The following RBFOX1 variants were observed in gnomAD, a reference collection of about 807,000 sequenced individuals.
The protein encoded by RBFOX1 is RNA binding protein fox-1 homolog 1.
Under a neutral mutation model 57.7 loss-of-function variants are expected in RBFOX1, and 8 were observed. The observed-to-expected ratio is 0.14, with a 90% confidence interval of 0.08 to 0.25. RBFOX1 has a LOEUF of 0.25. Among genes scored for constraint, RBFOX1 ranks in the 10% least tolerant of loss-of-function variants. The pLI, the probability that RBFOX1 is intolerant of heterozygous loss-of-function variation, is 1.00. For synonymous variants in RBFOX1, 326 were observed against 222.4 expected (o/e 1.47, Z -4.15); for missense variants, 611 against 548.5 (o/e 1.11, Z -1.14).
At chr16:7,192,876 A>G (rs1044866927) in intron 4 of RBFOX1, among the ~76,000 whole-genome samples, 2 of 152,242 alleles carry the variant, frequency 1.3e-5, no homozygotes, top group African/African-American at 2.4e-5. Context: ...TCATGTGCTT[A>G]CAACATTGTT....
At chr16:5,471,636 C>T (rs1054965792) in intron 2 of RBFOX1, among the ~76,000 whole-genome samples, 3 of 152,158 alleles carry the variant, frequency 2.0e-5, no homozygotes, top group African/African-American at 7.2e-5. Context: ...GAAGGAACTT[C>T]CCCAAGGCAG....
In RBFOX1 at chr16:7,076,050, TC is replaced by T. The variant is rs1360599621; in HGVS notation, c.27+23953del. Among the ~76,000 whole-genome samples, 638 of 150,584 alleles carry T rather than the reference TC, an allele frequency of 4.2e-3. 7 individuals are homozygous for T. The highest frequency in any genetic ancestry group is 0.015 in the African/African-American group (606 of 40,570). On this transcript the variant is annotated intron_variant, in intron 4 of 15. Coordinates refer to ENST00000550418, the MANE Select transcript of RBFOX1 (RefSeq NM_018723.4). Reference sequence around the variant, plus strand: ...CTCACACTTGGGCTTTTTTTTTTTTTCTTTTTTTTTCGAGACGAGTCTTGTT... The same window carrying T: ...CTCACACTTGGGCTTTTTTTTTTTTTTTTTTTTTTCGAGACGAGTCTTGTT...
intron 5 of RBFOX1, among the ~76,000 whole-genome samples, chr16:7,518,802 C>T (rs1409506851): frequency 2.0e-5 from 3 of 152,040 alleles, no homozygotes; most frequent in Non-Finnish European, 2.9e-5. Flanking sequence ...ATGGGAGAGT[C>T]GTTTGAAGAC....
At chr16:5,572,887 G>T (rs1309371303) in intron 2 of RBFOX1, among the ~76,000 whole-genome samples, 2 of 152,188 alleles carry the variant, frequency 1.3e-5, no homozygotes, top group African/African-American at 4.8e-5. Context: ...AGGCCAGACA[G>T]GTAATGGTGG....
intron 14 of RBFOX1, among the ~76,000 whole-genome samples, chr16:7,704,723 G>T (rs1259373061): frequency 1.3e-5 from 2 of 152,160 alleles, no homozygotes; most frequent in Non-Finnish European, 2.9e-5. Flanking sequence ...CAACATGAAG[G>T]GGTAGGGATG....
intron 2 of RBFOX1, among the ~76,000 whole-genome samples, chr16:6,611,921 G>C (rs1215857590): frequency 6.6e-6 from 1 of 152,068 alleles, no homozygotes; most frequent in African/African-American, 2.4e-5. Context: ...TGGTTGCAAG[G>C]GTTTTGGTAG....
chr16:5,488,386 A>G (rs980682942), intron 2 of RBFOX1, among the ~76,000 whole-genome samples: 1 of 148,274 alleles, frequency 6.7e-6, no homozygotes, highest in Non-Finnish European at 1.5e-5. Context: ...ATGGTGGAAG[A>G]TGCTGGTGTG....
intron 4 of RBFOX1, among the ~76,000 whole-genome samples, chr16:7,177,378 T>C (rs1411794593): frequency 6.6e-6 from 1 of 152,030 alleles, no homozygotes; most frequent in African/African-American, 2.4e-5. Context: ...GAATGATAAA[T>C]GCTGGAGGTG....
intron 2 of RBFOX1, among the ~76,000 whole-genome samples, chr16:6,394,073 A>G (rs1037357511): frequency 6.6e-6 from 1 of 152,198 alleles, no homozygotes; most frequent in Non-Finnish European, 1.5e-5. Context: ...CAATGCAGAC[A>G]TCCATGACTG....
At chr16:5,791,804 C>T (rs1372091533) in intron 3 of RBFOX1, among the ~76,000 whole-genome samples, 1 of 152,140 alleles carries the variant, frequency 6.6e-6, no homozygotes, top group African/African-American at 2.4e-5. Flanking sequence ...TCTGAATATC[C>T]TTTGCTTGGT....
chr16:6,018,933 C>A (rs982179217), upstream of RBFOX1, among the ~76,000 whole-genome samples: 1 of 151,892 alleles, frequency 6.6e-6, no homozygotes, highest in African/African-American at 2.4e-5. Flanking sequence ...TGTCCGCCGC[C>A]GCCGCCCGCT....
chr16:5,284,718 G>C (rs1178129726), intron 1 of RBFOX1, among the ~76,000 whole-genome samples: 4 of 126,844 alleles, frequency 3.2e-5, no homozygotes, highest in Non-Finnish European at 6.5e-5. Flanking sequence ...CTTCATTTTT[G>C]AAGGACAGCT....
chr16:5,820,336 C>G (rs1179480949), intron 3 of RBFOX1, among the ~76,000 whole-genome samples: 3 of 152,180 alleles, frequency 2.0e-5, no homozygotes, highest in Non-Finnish European at 4.4e-5. Flanking sequence ...AGGAATCTTA[C>G]TGTCTTTATA....
intron 10 of RBFOX1, 99 bp downstream of exon 10, chr16:7,607,437 G>C: frequency 2.8e-6 from 3 of 1,074,110 alleles, no homozygotes; most frequent in Non-Finnish European, 4.2e-6. Flanking sequence ...TGAAGCAAGT[G>C]AATTCCTATC....
At chr16:5,737,238 C>G (rs1482804783) in intron 3 of RBFOX1, among the ~76,000 whole-genome samples, 1 of 152,018 alleles carries the variant, frequency 6.6e-6, no homozygotes, top group Non-Finnish European at 1.5e-5. Context: ...AATCCCAGCA[C>G]TTTGGGAGGC....
chr16:5,508,942 C>T (rs1360479033), intron 2 of RBFOX1, among the ~76,000 whole-genome samples: 15 of 152,220 alleles, frequency 9.9e-5, no homozygotes, highest in South Asian at 2.1e-4. Flanking sequence ...GAACCCTCTA[C>T]GTCTTTGCCC....
intron 3 of RBFOX1, among the ~76,000 whole-genome samples, chr16:6,712,737 C>G (rs529851178): frequency 1.3e-5 from 2 of 152,274 alleles, no homozygotes; most frequent in South Asian, 4.1e-4. Flanking sequence ...CCTCCTATCA[C>G]CTGGCAGCTG....
intron 4 of RBFOX1, among the ~76,000 whole-genome samples, chr16:7,373,179 T>C (rs1172118147): frequency 6.6e-6 from 1 of 152,092 alleles, no homozygotes; most frequent in African/African-American, 2.4e-5. Flanking sequence ...GTGATCTACC[T>C]GCCTTGGCCT....
chr16:7,574,279 C>A (rs1043366820), intron 5 of RBFOX1, among the ~76,000 whole-genome samples: 4 of 152,086 alleles, frequency 2.6e-5, no homozygotes, highest in African/African-American at 7.2e-5. Context: ...TTTGGAGAGT[C>A]TCATTGAAGT....
Sources: gnomAD v4.1 joint callset for allele counts (sites outside exome capture counted in the v4.1 genomes callset) on GRCh38, gnomAD v4.1.1 for gene constraint, MANE v1.5 for transcripts, NCBI Gene and HGNC (gene_info 2026-07-23, HGNC 2026-07-21) for gene names.